Variants in DPP10 observed in about 807,000 individuals in gnomAD.
DPP10 encodes the protein inactive dipeptidyl peptidase 10.
DPP10 carries 33 observed loss-of-function variants against 120.9 expected under a neutral mutation model. That is an observed-to-expected ratio of 0.27 (90% CI 0.21 to 0.37). The LOEUF is 0.37. DPP10 is among the 10% of genes least tolerant of loss of function. DPP10 has a pLI of 1.00. For synonymous variants in DPP10, 337 were observed against 326.1 expected (o/e 1.03, Z -0.36); for missense variants, 816 against 942.8 (o/e 0.87, Z 1.76).
At chr2:115,757,189 A>T (rs1679522618) in intron 11 of DPP10, among the ~76,000 whole-genome samples, 2 of 152,086 alleles carry the variant, frequency 1.3e-5, no homozygotes, top group African/African-American at 4.8e-5. Context: ...AACTAATATT[A>T]TAAGAGTAGA....
chr2:115,233,233 G>A (rs1403564517), intron 1 of DPP10, among the ~76,000 whole-genome samples: 2 of 152,022 alleles, frequency 1.3e-5, no homozygotes, highest in African/African-American at 2.4e-5. Flanking sequence ...GTGTGTGTGT[G>A]TGTGTGTTTA....
At position 114,881,553 on chromosome 2, in the gene DPP10, CT is replaced by C. The variant is rs1371416175; in HGVS notation, c.61-427685del. Among the ~76,000 whole-genome samples, 3 of 149,700 alleles carry C rather than the reference CT, an allele frequency of 2.0e-5. 1 individual carries two copies. Among genetic ancestry groups the C allele is most frequent in the Admixed American group, 6.7e-5 (1 of 14,852 alleles). The stretch of plus-strand genomic sequence containing the variant: ...CTATCTATCCTATCTATCTAAGTAT[CT>C]ATCTATGTATCATCTATCTATCTAT... On this transcript the variant is annotated intron_variant, in intron 1 of 25. Transcript: ENST00000410059.
chr2:114,570,836 T>TAAAAAAAAA (rs58796386), intron 1 of DPP10, among the ~76,000 whole-genome samples: 3 of 57,816 alleles, frequency 5.2e-5, no homozygotes, highest in African/African-American at 1.0e-4. Flanking sequence ...CTGTCTCAAA[T>TAAAAAAAAA]AAAAAAAAAA....
intron 3 of DPP10, among the ~76,000 whole-genome samples, chr2:115,486,736 G>C (rs1327821068): frequency 6.6e-6 from 1 of 152,126 alleles, no homozygotes; most frequent in Non-Finnish European, 1.5e-5. Flanking sequence ...TAAAATTCTA[G>C]AGAGAGATTT....
chr2:115,173,104 C>T (rs2053470277), intron 1 of DPP10, among the ~76,000 whole-genome samples: 1 of 152,028 alleles, frequency 6.6e-6, no homozygotes, highest in Non-Finnish European at 1.5e-5. Flanking sequence ...TTTTTCCCTT[C>T]CCCATCCCCA....
At position 115,166,554 on chromosome 2, in the gene DPP10, ATAT is replaced by A. The variant is rs1300858941; in HGVS notation, c.61-142681_61-142679del. ...ATATATAAATTTATAATATAAATAT[ATAT>A]TATATAAATTTATAATATAAATATT... On this transcript the variant is annotated intron_variant, in intron 1 of 25. Coordinates refer to ENST00000410059, the MANE Select transcript of DPP10 (RefSeq NM_020868.6). 1.4e-4 allele frequency among the ~76,000 whole-genome samples: 20 copies of A among 146,566 alleles called. 1 individual carries two copies. In the South Asian group the frequency reaches 2.7e-3, roughly 20 times the overall value.
chr2:114,448,787 CA>C lies in DPP10; in HGVS notation c.60+5950del, dbSNP rs1259300157. Among the ~76,000 whole-genome samples the C allele has an allele frequency of 2.0e-5, 3 of 152,120 alleles. No homozygotes were observed. The East Asian group carries it at 5.8e-4, about 29-fold the overall frequency. On this transcript the variant is annotated intron_variant, in intron 1 of 25. Transcript: ENST00000410059. ...ATGAATTCTGTGACAGCCAAAATCTCATCATTAGGTTTATCTCTTTTATTCC... is the reference window on the plus strand; with the variant it reads ...ATGAATTCTGTGACAGCCAAAATCTCTCATTAGGTTTATCTCTTTTATTCC...
chr2:115,213,780 A>T (rs1206058415), intron 1 of DPP10, among the ~76,000 whole-genome samples: 1 of 152,114 alleles, frequency 6.6e-6, no homozygotes, highest in Non-Finnish European at 1.5e-5. Context: ...ACTGGCAGGT[A>T]TCTGATTCCT....
At chr2:115,377,432 A>T (rs1003037812) in intron 3 of DPP10, among the ~76,000 whole-genome samples, 12 of 152,216 alleles carry the variant, frequency 7.9e-5, no homozygotes, top group Non-Finnish European at 1.5e-4. Flanking sequence ...GTTTAAGTTC[A>T]TTGTACATTC....
intron 19 of DPP10, among the ~76,000 whole-genome samples, chr2:115,810,997 A>G (rs1423667579): frequency 6.6e-6 from 1 of 152,120 alleles, no homozygotes; most frequent in Non-Finnish European, 1.5e-5. Flanking sequence ...CCTAGCACCA[A>G]ATGTTTTGCT....
chr2:115,529,015 A>T lies in DPP10; in HGVS notation c.441+3043A>T, dbSNP rs1360548286. ...CCAGGATTTCTTATAGTTTTATAAG[A>T]TAGTATCGGTGGGGAAAACTGGGTG... On this transcript the variant is annotated intron_variant, in intron 5 of 25. Coordinates refer to ENST00000410059, the MANE Select transcript of DPP10 (RefSeq NM_020868.6). Among the ~76,000 whole-genome samples the T allele has an allele frequency of 2.0e-5, 3 of 152,222 alleles. No individual in the cohort carries two copies. In the East Asian group the frequency reaches 5.8e-4, roughly 29 times the overall value.
intron 11 of DPP10, among the ~76,000 whole-genome samples, chr2:115,758,540 T>C (rs1679712297): frequency 6.6e-6 from 1 of 152,114 alleles, no homozygotes; most frequent in South Asian, 2.1e-4. Flanking sequence ...TTAACCATAA[T>C]TTTAATATAA....
At chr2:114,463,435 T>C (rs1679095197) in intron 1 of DPP10, 1 of 152,212 alleles carries the variant, frequency 6.6e-6, no homozygotes, top group Admixed American at 6.5e-5. Flanking sequence ...TGGTAAGTTA[T>C]GTTCCTTTGA....
chr2:114,958,415 G>A (rs957703940), intron 1 of DPP10, among the ~76,000 whole-genome samples: 7 of 151,966 alleles, frequency 4.6e-5, no homozygotes, highest in African/African-American at 7.2e-5. Context: ...TCACTTTAAC[G>A]GGTACAAAGT....
At chr2:115,141,073 G>C (rs1225128775) in intron 1 of DPP10, among the ~76,000 whole-genome samples, 1 of 152,160 alleles carries the variant, frequency 6.6e-6, no homozygotes, top group African/African-American at 2.4e-5. Flanking sequence ...AGAGCAAGAA[G>C]GTAGGGATGT....
rs1277974990 is a variant in DPP10 at position 115,844,126 on chromosome 2, G to A, written c.*1781G>A. ...ATTTTAGGTCTTTTTCAAGAATAGT[G>A]AACACATTTTTTAACAAAATAAGTT... On this transcript the variant is annotated 3_prime_UTR_variant, in exon 26 of 26. Transcript: ENST00000410059. The A allele has an allele frequency of 6.6e-6, 1 of 152,516 alleles. No homozygotes were observed. Among genetic ancestry groups the A allele is most frequent in the Non-Finnish European group, 1.5e-5 (1 of 67,990 alleles). The allele number at this position is 152,516 out of a possible 1,614,324, so 9.4% of individuals were successfully genotyped here.
intron 1 of DPP10, among the ~76,000 whole-genome samples, chr2:115,168,157 T>G (rs2053047003): frequency 6.6e-6 from 1 of 152,054 alleles, no homozygotes; most frequent in African/African-American, 2.4e-5. Flanking sequence ...GTCAAAAGAC[T>G]TTTTCACAAA....
chr2:115,593,150 A>G (rs1165140610), intron 5 of DPP10, among the ~76,000 whole-genome samples: 23 of 152,196 alleles, frequency 1.5e-4, no homozygotes, highest in Admixed American at 1.5e-3. Context: ...TCATGAAAAT[A>G]TATCAGTTCA....
chr2:115,504,095 A>T (rs1220563454), intron 4 of DPP10, among the ~76,000 whole-genome samples: 1 of 151,972 alleles, frequency 6.6e-6, no homozygotes, highest in Non-Finnish European at 1.5e-5. Context: ...CTTTTGAATA[A>T]CCCTGCAAAG....
Sources: allele counts gnomAD v4.1 joint callset (sites outside exome capture counted in the v4.1 genomes callset), GRCh38; gene constraint gnomAD v4.1.1; transcripts MANE v1.5; gene names NCBI Gene and HGNC (gene_info 2026-07-23, HGNC 2026-07-21).